PRTFDC1: variants seen among roughly 807,000 people sequenced by gnomAD.
PRTFDC1 encodes phosphoribosyltransferase domain-containing protein 1.
Under a neutral mutation model 34.6 loss-of-function variants are expected in PRTFDC1, and 38 were observed. The ratio of observed to expected loss-of-function variants is 1.10; its 90% CI spans 0.85 to 1.44. The LOEUF (loss-of-function observed/expected upper bound fraction) is 1.44. PRTFDC1 is among the 40% of genes most tolerant of loss of function. The probability of loss-of-function intolerance (pLI) is 0.00; values close to 1 mark genes in which losing one functional copy is unlikely to be tolerated. For missense variants in PRTFDC1, 270 were observed against 283.0 expected, an observed-to-expected ratio of 0.95 and a Z score of 0.33; for synonymous variants, 93 against 98.1, an observed-to-expected ratio of 0.95 and a Z score of 0.31.
intron 4 of PRTFDC1, among the ~76,000 whole-genome samples, chr10:24,864,465 A>G (rs1474460319): frequency 3.3e-5 from 5 of 152,126 alleles, no homozygotes; most frequent in Non-Finnish European, 7.3e-5. Context: ...AACCTTCTGA[A>G]GCACCCACCA....
intron 8 of PRTFDC1, 105 bp from the exon 9 acceptor site, chr10:24,849,996 T>C (rs1847456229): frequency 6.8e-6 from 7 of 1,035,356 alleles, no homozygotes; most frequent in Non-Finnish European, 1.0e-5. Flanking sequence ...TGGCTATTGA[T>C]CATTTAAATA....
At chr10:24,875,484 A>G (rs1847947081) in intron 3 of PRTFDC1, among the ~76,000 whole-genome samples, 1 of 152,138 alleles carries the variant, frequency 6.6e-6, no homozygotes, top group Non-Finnish European at 1.5e-5. Flanking sequence ...TTACACATAT[A>G]AATGCAATTA....
At chr10:24,871,269 ATACAAGCTAGGTCAG>A (rs1847863791) in intron 4 of PRTFDC1, among the ~76,000 whole-genome samples, 1 of 152,182 alleles carries the variant, frequency 6.6e-6, no homozygotes, top group Non-Finnish European at 1.5e-5. Flanking sequence ...GGGATAAGGA[ATACAAGCTAGGTCAG>A]TACGGCTGAA....
chr10:24,851,549 T>G, intron 7 of PRTFDC1, 85 bp from the exon 8 acceptor site: 1 of 1,546,940 alleles, frequency 6.5e-7, no homozygotes, highest in Non-Finnish European at 8.6e-7. Context: ...CTGTCGCCAC[T>G]CAAACTTGAG....
intron 3 of PRTFDC1, among the ~76,000 whole-genome samples, chr10:24,899,616 C>T (rs1848419885): frequency 6.6e-6 from 1 of 152,192 alleles, no homozygotes; most frequent in Admixed American, 6.5e-5. Flanking sequence ...TGATTTTTAA[C>T]TAACCAGAAA....
chr10:24,889,002 T>C (rs1588594245), intron 3 of PRTFDC1, among the ~76,000 whole-genome samples: 2 of 152,178 alleles, frequency 1.3e-5, no homozygotes, highest in South Asian at 2.1e-4. Context: ...CTGCCTGTTA[T>C]GGTCTGAATG....
chr10:24,911,545 A>C (rs992940964), intron 3 of PRTFDC1, among the ~76,000 whole-genome samples: 4 of 152,170 alleles, frequency 2.6e-5, no homozygotes, highest in African/African-American at 9.7e-5. Context: ...AGTTGCTATG[A>C]ATATTTGCAT....
At chr10:24,862,152 A>G (rs59872828) in intron 4 of PRTFDC1, among the ~76,000 whole-genome samples, 16,365 of 152,168 alleles carry the variant, frequency 0.11, 2,243 homozygotes, top group African/African-American at 0.32. Flanking sequence ...GATTAAAGGT[A>G]TCATGAATTC....
intron 6 of PRTFDC1, 119 bp downstream of exon 6, chr10:24,856,794 G>A: frequency 1.1e-6 from 1 of 914,280 alleles, no homozygotes; most frequent in Non-Finnish European, 1.8e-6. Flanking sequence ...AATACCCCAG[G>A]GGAAAAGGTC....
Position 24,887,525 on chromosome 10 carries a change from C to T in PRTFDC1, c.340-15462G>A, listed in dbSNP as rs144970872. Among the ~76,000 whole-genome samples the T allele has an allele frequency of 6.2e-3, 946 of 152,150 alleles. 6 individuals carry two copies. The highest frequency in any genetic ancestry group is 1.0e-2 in the Non-Finnish European group (677 of 68,014). On this transcript the variant is annotated intron_variant, in intron 3 of 8. Coordinates refer to ENST00000320152, the MANE Select transcript of PRTFDC1 (RefSeq NM_020200.7). Reference sequence around the variant, plus strand: ...GCCACCATGTGAAGAAGGATGTGTTCGCTTCCCCTTCTGCCATGACTGCAA... The same window carrying T: ...GCCACCATGTGAAGAAGGATGTGTTTGCTTCCCCTTCTGCCATGACTGCAA...
At chr10:24,926,810 C>T (rs919982607) in intron 3 of PRTFDC1, among the ~76,000 whole-genome samples, 2 of 152,158 alleles carry the variant, frequency 1.3e-5, no homozygotes, top group Non-Finnish European at 1.5e-5. Context: ...AAGTTGAGCA[C>T]AGCTCTGTCC....
intron 3 of PRTFDC1, among the ~76,000 whole-genome samples, chr10:24,891,526 C>T (rs1848261681): frequency 6.6e-6 from 1 of 152,004 alleles, no homozygotes; most frequent in Non-Finnish European, 1.5e-5. Context: ...GGTGCAGTGG[C>T]TCCTGTCCAT....
intron 3 of PRTFDC1, among the ~76,000 whole-genome samples, chr10:24,880,741 T>C (rs930871287): frequency 2.0e-5 from 3 of 152,232 alleles, no homozygotes; most frequent in Non-Finnish European, 4.4e-5. Flanking sequence ...CCAGTTCCCA[T>C]GCTGCAGTGT....
At chr10:24,850,058 T>A (rs1435481445) in intron 8 of PRTFDC1, among the ~76,000 whole-genome samples, 167 bp from the exon 9 acceptor site, 1 of 152,156 alleles carries the variant, frequency 6.6e-6, no homozygotes, top group East Asian at 1.9e-4. Context: ...CCCATTCAAG[T>A]GCTTGACAAA....
At position 24,917,769 on chromosome 10, in the gene PRTFDC1, A is replaced by G. The variant is rs148559263; in HGVS notation, c.339+19415T>C. On this transcript the variant is annotated intron_variant, in intron 3 of 8. Transcript: ENST00000320152. The stretch of plus-strand genomic sequence containing the variant: ...TTTCAGTGGGGGAGTCCCAAATGCA[A>G]TAGATGGAGGTCTTTTCTTTACAAC... 9.1e-3 allele frequency among the ~76,000 whole-genome samples: 1,387 copies of G among 152,202 alleles called. 10 individuals are homozygous for G. Among genetic ancestry groups the G allele is most frequent in the Non-Finnish European group, 0.014 (982 of 68,000 alleles).
At chr10:24,929,537 C>G (rs1177242214) in intron 3 of PRTFDC1, among the ~76,000 whole-genome samples, 1 of 152,150 alleles carries the variant, frequency 6.6e-6, no homozygotes, top group Non-Finnish European at 1.5e-5. Flanking sequence ...GCAACTGTGG[C>G]TTGCCTAAAA....
intron 1 of PRTFDC1, among the ~76,000 whole-genome samples, chr10:24,950,840 C>A (rs274316): frequency 0.52 from 78,753 of 151,882 alleles, 22,733 homozygotes; most frequent in African/African-American, 0.79. Flanking sequence ...CCGAACATTA[C>A]ATATTATTCT....
chr10:24,868,921 T>C (rs7069029), intron 4 of PRTFDC1, among the ~76,000 whole-genome samples: 3,550 of 152,340 alleles, frequency 0.023, 145 homozygotes, highest in African/African-American at 0.08. Flanking sequence ...TGATACACAA[T>C]GTTTTATGTA....
chr10:24,859,323 T>C lies in PRTFDC1; in HGVS notation c.406-914A>G, dbSNP rs1847636159. On this transcript the variant is annotated intron_variant, in intron 4 of 8. Transcript: ENST00000320152. ...CACCCAGGCTGGAGTGCAGTAGTGC[T>C]ATCTCCGTTCACTGTAACCTCCGCT... is the stretch of plus-strand genomic sequence containing the variant. Among the ~76,000 whole-genome samples the C allele has an allele frequency of 2.6e-5, 4 of 152,176 alleles. No individual in the cohort carries two copies. In the South Asian group the frequency reaches 8.3e-4, roughly 32 times the overall value.
Sources: allele counts gnomAD v4.1 joint callset (sites outside exome capture counted in the v4.1 genomes callset), GRCh38; gene constraint gnomAD v4.1.1; transcripts MANE v1.5; gene names NCBI Gene and HGNC (gene_info 2026-07-23, HGNC 2026-07-21).